Variants in TTLL5 observed in about 807,000 individuals in gnomAD.
TTLL5 encodes the protein tubulin polyglutamylase TTLL5.
In TTLL5, 132 loss-of-function variants were observed where a neutral mutation model predicts 168.4. The ratio of observed to expected loss-of-function variants is 0.78; its 90% CI spans 0.68 to 0.91. The LOEUF (loss-of-function observed/expected upper bound fraction) is 0.91, where lower values mean the gene tolerates loss of function less well. TTLL5 is among the 40% of genes least tolerant of loss of function. The pLI, the probability that TTLL5 is intolerant of heterozygous loss-of-function variation, is 0.00. For missense variants in TTLL5, 1,545 were observed against 1,581.5 expected, an observed-to-expected ratio of 0.98 and a Z score of 0.39; for synonymous variants, 546 against 558.6, an observed-to-expected ratio of 0.98 and a Z score of 0.32.
intron 18 of TTLL5, among the ~76,000 whole-genome samples, chr14:75,760,712 C>T (rs1269378485): frequency 6.6e-6 from 1 of 151,942 alleles, no homozygotes; most frequent in African/African-American, 2.4e-5. Flanking sequence ...GATGGAACAA[C>T]TGAATATCGT....
intron 6 of TTLL5, among the ~76,000 whole-genome samples, chr14:75,696,481 T>C (rs1885879987): frequency 6.6e-6 from 1 of 152,196 alleles, no homozygotes; most frequent in African/African-American, 2.4e-5. Context: ...GCTCAGTATC[T>C]GGGGAAAATG....
At chr14:75,925,799 G>C (rs922489828) in intron 31 of TTLL5, among the ~76,000 whole-genome samples, 1 of 152,038 alleles carries the variant, frequency 6.6e-6, no homozygotes, top group South Asian at 2.1e-4. Context: ...CTGCAATCCC[G>C]GCACCTCGGG....
rs1034642536 is a variant in TTLL5, at chr14:75,735,249, C to T, written c.1241C>T (p.Thr414Ile). 1 of 1,614,212 alleles carries T rather than the reference C, an allele frequency of 6.2e-7. No individual in the cohort carries two copies. The highest frequency in any genetic ancestry group is 8.5e-7 in the Non-Finnish European group (1 of 1,179,998). ...GCATCAACTCGGCCAATTTATCCCA[C>T]CTTTGAGTCTTCCAGGCGAAACCCT... is the stretch of plus-strand genomic sequence containing the variant. Reference protein sequence around the residue: ...QRASTRPIYPTFESSRRNPFQ... With the variant: ...QRASTRPIYPIFESSRRNPFQ... Residue 414 changes from threonine to isoleucine, a missense_variant, in exon 15 of 32, where the codon ACC becomes ATC. By Grantham distance (89) the Thr-to-Ile change is moderately conservative. Transcript: ENST00000298832.
chr14:75,725,963 G>A (rs917934255), intron 12 of TTLL5, among the ~76,000 whole-genome samples: 5 of 152,040 alleles, frequency 3.3e-5, no homozygotes, highest in African/African-American at 1.2e-4. Flanking sequence ...TTCCTCTTTA[G>A]CTTTTTCAAT....
intron 15 of TTLL5, among the ~76,000 whole-genome samples, chr14:75,742,855 C>G (rs1889356628): frequency 6.6e-6 from 1 of 152,168 alleles, no homozygotes; most frequent in South Asian, 2.1e-4. Flanking sequence ...AGTGTTCACA[C>G]TTTTTAAAGA....
chr14:75,662,710 A>G (rs1467746774), intron 1 of TTLL5, among the ~76,000 whole-genome samples: 1 of 152,184 alleles, frequency 6.6e-6, no homozygotes. Flanking sequence ...AGCAAGGAAT[A>G]TATGTTTTAG....
chr14:75,662,019 GAC>G (rs777520617), intron 1 of TTLL5, among the ~76,000 whole-genome samples: 5 of 152,110 alleles, frequency 3.3e-5, no homozygotes, highest in Non-Finnish European at 7.4e-5. Context: ...TTCTTCTTCT[GAC>G]ACACACAACG....
At chr14:75,895,362 C>A (rs756354217) in intron 30 of TTLL5, among the ~76,000 whole-genome samples, 6 of 152,112 alleles carry the variant, frequency 3.9e-5, no homozygotes, top group Non-Finnish European at 7.4e-5. Context: ...TGCATGGACT[C>A]CTGCACTCAA....
intron 31 of TTLL5, among the ~76,000 whole-genome samples, chr14:75,939,397 T>G (rs1008666903): frequency 1.3e-5 from 2 of 152,108 alleles, no homozygotes; most frequent in East Asian, 3.9e-4. Context: ...TCATTTCATT[T>G]TATTTGTTTA....
chr14:75,772,000 A>T lies in TTLL5; in HGVS notation c.2136+146A>T, dbSNP rs60118413. 1,995 of 914,548 alleles carry T rather than the reference A, an allele frequency of 2.2e-3. 35 individuals carry two copies. The African/African-American group carries it at 0.03, about 14-fold the overall frequency. 56.7% of individuals were successfully genotyped at this position (914,548 alleles called of 1,614,324 possible). A position where few individuals can be genotyped will look rare whatever the true frequency, so the allele number is the denominator to read the frequency against. On this transcript the variant is annotated intron_variant, in intron 21 of 31. Coordinates refer to ENST00000298832, the MANE Select transcript of TTLL5 (RefSeq NM_015072.5). ...AAGAAGGTTTTTAGATTTCTTATAAATCTATACTTACAAGATTTATATATA... is the reference window on the plus strand; with the variant it reads ...AAGAAGGTTTTTAGATTTCTTATAATTCTATACTTACAAGATTTATATATA...
chr14:75,715,207 C>A (rs77770325), intron 9 of TTLL5, among the ~76,000 whole-genome samples: 2,276 of 151,558 alleles, frequency 0.015, 76 homozygotes, highest in African/African-American at 0.052. Flanking sequence ...GGTGGCCTCC[C>A]TGCTTAGAAA....
chr14:75,863,206 C>A (rs2030177765), intron 28 of TTLL5, among the ~76,000 whole-genome samples: 2 of 152,194 alleles, frequency 1.3e-5, no homozygotes, highest in Admixed American at 1.3e-4. Context: ...AGATATTTAA[C>A]TGATGGGTGG....
At chr14:75,680,229 A>G (rs541736212) in intron 3 of TTLL5, among the ~76,000 whole-genome samples, 2 of 152,324 alleles carry the variant, frequency 1.3e-5, no homozygotes, top group East Asian at 3.9e-4. Flanking sequence ...TTCCGCTCCC[A>G]TAGTGGTCAC....
At chr14:75,666,522 C>G (rs1464334710) in intron 2 of TTLL5, among the ~76,000 whole-genome samples, 1 of 152,180 alleles carries the variant, frequency 6.6e-6, no homozygotes, top group Admixed American at 6.5e-5. Flanking sequence ...AAAAGGCTGG[C>G]TTTATATCAG....
At chr14:75,737,517 G>T in intron 15 of TTLL5, 1 of 1,502,290 alleles carries the variant, frequency 6.7e-7, no homozygotes, top group Non-Finnish European at 8.9e-7. Flanking sequence ...GAAAATGTAG[G>T]CATATTAGGA....
chr14:75,862,096 C>T (rs1254724247), intron 28 of TTLL5, among the ~76,000 whole-genome samples: 1 of 152,190 alleles, frequency 6.6e-6, no homozygotes, highest in Admixed American at 6.5e-5. Flanking sequence ...ACATAAGTGG[C>T]ATCATATAAT....
chr14:75,920,747 C>A (rs2033798145), intron 31 of TTLL5, among the ~76,000 whole-genome samples: 2 of 152,176 alleles, frequency 1.3e-5, no homozygotes, highest in South Asian at 4.1e-4. Context: ...GATTTATAAT[C>A]CTTTGGGTAT....
intron 5 of TTLL5, 26 bp downstream of exon 5, chr14:75,683,682 T>C (rs781697367): frequency 6.3e-7 from 1 of 1,582,296 alleles, no homozygotes; most frequent in East Asian, 2.2e-5. Flanking sequence ...GCTGCTTTGC[T>C]TCATTTAAAG....
intron 28 of TTLL5, among the ~76,000 whole-genome samples, chr14:75,846,641 T>G (rs1376699185): frequency 6.6e-6 from 1 of 151,732 alleles, no homozygotes; most frequent in Non-Finnish European, 1.5e-5. Context: ...AAATACAAAA[T>G]CAGCCAGGCA....
Sources: allele counts gnomAD v4.1 joint callset (sites outside exome capture counted in the v4.1 genomes callset), GRCh38; gene constraint gnomAD v4.1.1; transcripts MANE v1.5; gene names NCBI Gene and HGNC (gene_info 2026-07-23, HGNC 2026-07-21).